Variants in DMTF1 observed in about 807,000 individuals in gnomAD.
DMTF1 encodes the protein cyclin-D-binding Myb-like transcription factor 1.
In DMTF1, 39 loss-of-function variants were observed where a neutral mutation model predicts 91.1. The observed-to-expected ratio is 0.43, with a 90% CI of 0.33 to 0.56. DMTF1 has a LOEUF of 0.56. DMTF1 is among the 20% of genes least tolerant of loss of function. DMTF1 has a pLI of 0.05. For synonymous variants in DMTF1, 338 were observed against 309.5 expected (o/e 1.09, Z -0.97); for missense variants, 750 against 914.5 (o/e 0.82, Z 2.32).
chr7:87,191,059 T>A, intron 14 of DMTF1, 32 bp downstream of exon 14: 1 of 1,388,648 alleles, frequency 7.2e-7, no homozygotes, highest in Non-Finnish European at 1.0e-6. Flanking sequence ...TTGGCCATTT[T>A]TATGCATGAG....
At chr7:87,194,619 T>TA in intron 16 of DMTF1, 65 bp from the exon 17 acceptor site, 1 of 1,238,592 alleles carries the variant, frequency 8.1e-7, no homozygotes, top group Non-Finnish European at 1.2e-6. Context: ...TACATACCTA[T>TA]ACATGGGATT....
At chr7:87,158,752 T>C (rs1243804066) in intron 1 of DMTF1, among the ~76,000 whole-genome samples, 3 of 152,234 alleles carry the variant, frequency 2.0e-5, no homozygotes, top group Non-Finnish European at 2.9e-5. Context: ...TCACTGTATT[T>C]CATTTTATAC....
At position 87,195,254 on chromosome 7, in the gene DMTF1, C is replaced by G; in HGVS notation, c.*114C>G. On this transcript the variant is annotated 3_prime_UTR_variant, in exon 18 of 18. Transcript: ENST00000331242. ...CTTAATTTACCAATTTAAATAGCCA[C>G]AGTCCTTAAGCCACACACATTGTTG... 1 of 697,040 alleles carries G rather than the reference C, an allele frequency of 1.4e-6. No homozygotes were observed. The highest frequency in any genetic ancestry group is 2.4e-6 in the Non-Finnish European group (1 of 409,230). The allele number at this position is 697,040 out of a possible 1,614,324, so 43.2% of individuals were successfully genotyped here. A position where few individuals can be genotyped will look rare whatever the true frequency, so the allele number is the denominator to read the frequency against.
chr7:87,186,894 A>T (rs1431223589), intron 12 of DMTF1: 1 of 152,208 alleles, frequency 6.6e-6, no homozygotes, highest in African/African-American at 2.4e-5. Context: ...ACAAAGATGT[A>T]CTTCTGAAAA....
In DMTF1 at chr7:87,155,766, A is replaced by T. The variant is rs570445879; in HGVS notation, c.-132+3211A>T. Among the ~76,000 whole-genome samples, 25 of 126,596 alleles carry T rather than the reference A, an allele frequency of 2.0e-4. No homozygotes were observed. The South Asian group carries it at 6.6e-3, about 34-fold the overall frequency. The allele number at this position is 126,596 out of a possible 152,430, so 83.1% of individuals were successfully genotyped here. A position where few individuals can be genotyped will look rare whatever the true frequency, so the allele number is the denominator to read the frequency against. ...ACCCCCGCCCCACCCAAGTTTGTAGAAAGATAATCCATTCCATGACTGAGT... is the reference window on the plus strand; with the variant it reads ...ACCCCCGCCCCACCCAAGTTTGTAGTAAGATAATCCATTCCATGACTGAGT... On this transcript the variant is annotated intron_variant, in intron 1 of 17. Transcript: ENST00000331242.
intron 10 of DMTF1, 50 bp downstream of exon 10, chr7:87,182,387 T>G: frequency 1.3e-6 from 2 of 1,579,376 alleles, no homozygotes; most frequent in Non-Finnish European, 1.7e-6. Flanking sequence ...TTAAGCCTCC[T>G]GCCCCTTAGG....
chr7:87,157,529 C>A (rs1791077697), intron 1 of DMTF1, among the ~76,000 whole-genome samples: 1 of 152,052 alleles, frequency 6.6e-6, no homozygotes, highest in African/African-American at 2.4e-5. Flanking sequence ...AGAAGATATT[C>A]AACACTTAAA....
At chr7:87,194,304 C>CCACAGTTCCTCACTA (rs1800645508) in intron 16 of DMTF1, 1 of 566,652 alleles carries the variant, frequency 1.8e-6, no homozygotes, top group Admixed American at 3.7e-5. Flanking sequence ...TTCTATCTTA[C>CCACAGTTCCTCACTA]CACAGTTCCT....
intron 9 of DMTF1, among the ~76,000 whole-genome samples, chr7:87,181,845 T>C (rs1206447476): frequency 6.6e-6 from 1 of 152,216 alleles, no homozygotes; most frequent in Non-Finnish European, 1.5e-5. Flanking sequence ...AGGTAGATTC[T>C]GTTTATAATG....
Position 87,195,630 on chromosome 7 carries a change from ATAGAGACC to A in DMTF1, c.*494_*501del, listed in dbSNP as rs1368166587. 1 of 153,146 alleles carries A rather than the reference ATAGAGACC, an allele frequency of 6.5e-6. No individual in the cohort carries two copies. The highest frequency in any genetic ancestry group is 1.5e-5 in the Non-Finnish European group (1 of 68,486). 9.5% of individuals were successfully genotyped at this position (153,146 alleles called of 1,614,324 possible). A position where few individuals can be genotyped will look rare whatever the true frequency, so the allele number is the denominator to read the frequency against. ...TTTGAGACTTGACCAGCATACAAGT[ATAGAGACC>A]TAGGAGGTGGTCTTGTGGTGGTACA... On this transcript the variant is annotated 3_prime_UTR_variant, in exon 18 of 18. Transcript: ENST00000331242.
intron 1 of DMTF1, among the ~76,000 whole-genome samples, chr7:87,155,858 A>G (rs1790560883): frequency 6.6e-6 from 1 of 151,192 alleles, no homozygotes; most frequent in South Asian, 2.1e-4. Context: ...ATTTTCTATC[A>G]TTTCATATAT....
chr7:87,194,426 A>C (rs1056923169), intron 16 of DMTF1: 1 of 488,866 alleles, frequency 2.0e-6, no homozygotes, highest in Non-Finnish European at 3.6e-6. Context: ...TAGGAACATC[A>C]TCCTACACTG....
chr7:87,165,215 T>C (rs1171689068), intron 3 of DMTF1, among the ~76,000 whole-genome samples, 165 bp downstream of exon 3: 1 of 152,216 alleles, frequency 6.6e-6, no homozygotes, highest in African/African-American at 2.4e-5. Flanking sequence ...TTGTCAATCT[T>C]GTTGCTATGT....
Position 87,161,067 on chromosome 7 carries a change from A to C in DMTF1, c.-131-2428A>C, listed in dbSNP as rs866290965. 1.7e-4 allele frequency among the ~76,000 whole-genome samples: 26 copies of C among 152,224 alleles called. 1 individual carries two copies. Among genetic ancestry groups the C allele is most frequent in the African/African-American group, 6.3e-4 (26 of 41,560 alleles). ...TTAGTATTAATACTAATATTAATAA[A>C]AATAACCTACCTTTTGAATCTTGAA... On this transcript the variant is annotated intron_variant, in intron 1 of 17. Coordinates refer to ENST00000331242, the MANE Select transcript of DMTF1 (RefSeq NM_001142327.2).
At chr7:87,175,728 A>G (rs77804056) in intron 7 of DMTF1, among the ~76,000 whole-genome samples, 1 of 152,340 alleles carries the variant, frequency 6.6e-6, no homozygotes, top group East Asian at 1.9e-4. Context: ...CTGCATGAAT[A>G]CATGCCGAAG....
chr7:87,166,377 G>T, intron 3 of DMTF1, 106 bp from the exon 4 acceptor site: 2 of 1,181,070 alleles, frequency 1.7e-6, no homozygotes, highest in Non-Finnish European at 2.3e-6. Context: ...TGAGCAAATT[G>T]GTAAGAAAAT....
intron 8 of DMTF1, 120 bp from the exon 9 acceptor site, chr7:87,181,189 A>T (rs1797294623): frequency 1.8e-6 from 1 of 553,034 alleles, no homozygotes; most frequent in African/African-American, 1.9e-5. Context: ...GGGTTACTTT[A>T]AAAGTATTAT....
chr7:87,168,674 T>C (rs757391408), intron 4 of DMTF1, among the ~76,000 whole-genome samples: 7 of 152,218 alleles, frequency 4.6e-5, no homozygotes, highest in Admixed American at 1.3e-4. Context: ...TCTGTTTATT[T>C]CTGTACCAGT....
At chr7:87,155,498 GTAAAC>G (rs1414770649) in intron 1 of DMTF1, 1 of 152,080 alleles carries the variant, frequency 6.6e-6, no homozygotes, top group African/African-American at 2.4e-5. Context: ...CGAGAAAGTG[GTAAAC>G]TAAATGATTT....
Sources: allele counts gnomAD v4.1 joint callset (sites outside exome capture counted in the v4.1 genomes callset), GRCh38; gene constraint gnomAD v4.1.1; transcripts MANE v1.5; gene names NCBI Gene and HGNC (gene_info 2026-07-23, HGNC 2026-07-21).